Variants in NRXN3 observed in about 807,000 individuals in gnomAD.
The protein encoded by NRXN3 is neurexin 3, also known as neurexin III.
A neutral mutation model predicts 137.6 loss-of-function variants in NRXN3; 32 were observed. That is an observed-to-expected ratio of 0.23 (90% confidence interval 0.18 to 0.31). NRXN3 has a LOEUF of 0.31. Among genes scored for constraint, NRXN3 ranks in the 10% least tolerant of loss-of-function variants. The pLI, the probability that NRXN3 is intolerant of heterozygous loss-of-function variation, is 1.00. For missense variants in NRXN3, 1,574 were observed against 2,062.5 expected, an observed-to-expected ratio of 0.76 and a Z score of 4.59; for synonymous variants, 798 against 784.5, an observed-to-expected ratio of 1.02 and a Z score of -0.29.
At chr14:79,705,444 A>G (rs781462975) in intron 19 of NRXN3, among the ~76,000 whole-genome samples, 1 of 152,188 alleles carries the variant, frequency 6.6e-6, no homozygotes, top group Non-Finnish European at 1.5e-5. Context: ...TGCAATTGCA[A>G]GCTTAGATTT....
chr14:78,417,378 T>A (rs2093199159), intron 4 of NRXN3, among the ~76,000 whole-genome samples: 1 of 152,238 alleles, frequency 6.6e-6, no homozygotes, highest in African/African-American at 2.4e-5. Flanking sequence ...CTCCTTCTGG[T>A]GCTGGAAGAT....
chr14:79,685,954 A>G (rs2098692917), intron 17 of NRXN3, among the ~76,000 whole-genome samples: 1 of 152,190 alleles, frequency 6.6e-6, no homozygotes, highest in Non-Finnish European at 1.5e-5. Context: ...CACCAGGGTT[A>G]CATCTCCGGC....
At chr14:78,670,097 G>A (rs1341859284) in intron 6 of NRXN3, among the ~76,000 whole-genome samples, 1 of 151,834 alleles carries the variant, frequency 6.6e-6, no homozygotes, top group Non-Finnish European at 1.5e-5. Context: ...TCTTATGAGT[G>A]AGAACATGCG....
At chr14:79,470,708 G>A (rs1434654201) in intron 16 of NRXN3, among the ~76,000 whole-genome samples, 1 of 152,144 alleles carries the variant, frequency 6.6e-6, no homozygotes, top group Non-Finnish European at 1.5e-5. Flanking sequence ...TTACATGGGG[G>A]CAAAGCTTCA....
intron 8 of NRXN3, among the ~76,000 whole-genome samples, chr14:78,738,841 A>C (rs972515719): frequency 1.3e-5 from 2 of 152,212 alleles, no homozygotes; most frequent in Admixed American, 6.5e-5. Context: ...AAGAAGGCAG[A>C]TGGAAGAATG....
rs1290951727 is a variant in NRXN3 at position 78,651,036 on chromosome 14, T to C, written c.1060-129T>C. On this transcript the variant is annotated intron_variant, in intron 5 of 20. Coordinates refer to ENST00000335750, the MANE Select transcript of NRXN3 (RefSeq NM_001330195.2). ...CTTGGCTGCACATACCAAAATCAAA[T>C]CAAATTAGAAAGTATATCTCATGAA... 7 of 923,522 alleles carry C rather than the reference T, an allele frequency of 7.6e-6. No homozygotes were observed. The East Asian group carries it at 1.6e-4, about 21-fold the overall frequency. 57.2% of individuals were successfully genotyped at this position (923,522 alleles called of 1,614,324 possible). A position where few individuals can be genotyped will look rare whatever the true frequency, so the allele number is the denominator to read the frequency against.
At chr14:78,790,965 G>A (rs556520710) in intron 8 of NRXN3, among the ~76,000 whole-genome samples, 2 of 152,150 alleles carry the variant, frequency 1.3e-5, no homozygotes, top group Non-Finnish European at 2.9e-5. Context: ...GCATACTCTA[G>A]TACTTTTGTT....
At chr14:79,773,770 G>A (rs55994231) in intron 19 of NRXN3, among the ~76,000 whole-genome samples, 78,120 of 147,130 alleles carry the variant, frequency 0.53, 20,959 homozygotes, top group Middle Eastern at 0.67. Flanking sequence ...CTAAAACTTA[G>A]AGTATAATAA....
chr14:79,578,356 T>C (rs1371025947), intron 16 of NRXN3, among the ~76,000 whole-genome samples: 1 of 152,134 alleles, frequency 6.6e-6, no homozygotes, highest in African/African-American at 2.4e-5. Flanking sequence ...TAAGCTTTGG[T>C]GTCTGCGGTT....
intron 8 of NRXN3, among the ~76,000 whole-genome samples, chr14:78,720,173 G>A (rs8013958): frequency 0.14 from 21,273 of 151,876 alleles, 2,044 homozygotes; most frequent in African/African-American, 0.27. Context: ...TCTTTGCCAC[G>A]ATATTAAAGG....
intron 3 of NRXN3, among the ~76,000 whole-genome samples, chr14:78,289,227 C>A (rs2075525121): frequency 6.6e-6 from 1 of 152,186 alleles, no homozygotes; most frequent in Non-Finnish European, 1.5e-5. Flanking sequence ...AGTGTTAGCT[C>A]ATAATTGCTG....
In NRXN3 at chr14:78,397,647, A is replaced by C. The variant is rs534117886; in HGVS notation, c.757+99787A>C. On this transcript the variant is annotated intron_variant, in intron 4 of 20. Transcript: ENST00000335750. ...GTGACAGAGTCTAGCTCTGTCACCC[A>C]GGCTGGAGTGCAGTGGTGCGATTTT... Among the ~76,000 whole-genome samples the C allele has an allele frequency of 8.6e-4, 130 of 151,958 alleles. No individual in the cohort carries two copies. In the Middle Eastern group the frequency reaches 0.02, roughly 24 times the overall value.
At chr14:78,849,350 A>G (rs1316313959) in intron 10 of NRXN3, among the ~76,000 whole-genome samples, 1 of 152,110 alleles carries the variant, frequency 6.6e-6, no homozygotes, top group Non-Finnish European at 1.5e-5. Context: ...GCTGCATATC[A>G]TTCAACTGGT....
intron 16 of NRXN3, among the ~76,000 whole-genome samples, chr14:79,652,809 C>T (rs1310553580): frequency 2.0e-5 from 3 of 151,902 alleles, no homozygotes; most frequent in Non-Finnish European, 2.9e-5. Context: ...TTGATGCTGT[C>T]ATGGAGGTCA....
chr14:78,951,473 T>G (rs542140544), intron 10 of NRXN3, among the ~76,000 whole-genome samples: 1 of 152,274 alleles, frequency 6.6e-6, no homozygotes, highest in Non-Finnish European at 1.5e-5. Flanking sequence ...AGAAGTCACC[T>G]CAAAGAGGCC....
intron 15 of NRXN3, among the ~76,000 whole-genome samples, chr14:79,255,749 G>T (rs760765772): frequency 4.6e-5 from 7 of 152,208 alleles, no homozygotes; most frequent in Non-Finnish European, 8.8e-5. Context: ...GGTGGCTGAA[G>T]GCCAGCAAAA....
intron 15 of NRXN3, among the ~76,000 whole-genome samples, chr14:79,077,207 C>T (rs925828414): frequency 3.3e-5 from 5 of 152,158 alleles, no homozygotes; most frequent in Non-Finnish European, 7.4e-5. Context: ...GCCAATCTTC[C>T]ACAGCAGGTG....
chr14:78,601,287 T>C (rs1375280981), intron 4 of NRXN3, among the ~76,000 whole-genome samples: 1 of 152,196 alleles, frequency 6.6e-6, no homozygotes, highest in East Asian at 1.9e-4. Flanking sequence ...ATGACTTCAC[T>C]TTCCGAAGTT....
At chr14:79,276,495 A>G (rs1198005554) in intron 15 of NRXN3, among the ~76,000 whole-genome samples, 1 of 152,190 alleles carries the variant, frequency 6.6e-6, no homozygotes, top group Non-Finnish European at 1.5e-5. Context: ...ACTTCTTTTG[A>G]CATTTTGCAA....
Sources: gnomAD v4.1 joint callset for allele counts (sites outside exome capture counted in the v4.1 genomes callset) on GRCh38, gnomAD v4.1.1 for gene constraint, MANE v1.5 for transcripts, NCBI Gene and HGNC (gene_info 2026-07-23, HGNC 2026-07-21) for gene names.